The following NCOA7 variants were observed in gnomAD, a reference collection of about 807,000 sequenced individuals.
NCOA7 encodes the protein nuclear receptor coactivator 7, also known as 140 kDa estrogen receptor-associated protein.
A neutral mutation model predicts 104.3 loss-of-function variants in NCOA7; 45 were observed. The ratio of observed to expected loss-of-function variants is 0.43; its 90% CI spans 0.34 to 0.55. NCOA7 has a LOEUF of 0.55. NCOA7 is among the 20% of genes least tolerant of loss of function. The pLI, the probability that NCOA7 is intolerant of heterozygous loss-of-function variation, is 0.02. For synonymous variants in NCOA7, 398 were observed against 402.3 expected, an observed-to-expected ratio of 0.99 and a Z score of 0.13; for missense variants, 1,041 against 1,119.7, an observed-to-expected ratio of 0.93 and a Z score of 1.00.
chr6:125,922,444 A>T (rs144469928), intron 12 of NCOA7, among the ~76,000 whole-genome samples: 1 of 152,114 alleles, frequency 6.6e-6, no homozygotes. Flanking sequence ...CAGGATAGGG[A>T]CTCCATAGTC....
chr6:125,886,922 C>T (rs902005964), intron 8 of NCOA7, among the ~76,000 whole-genome samples: 2 of 152,212 alleles, frequency 1.3e-5, no homozygotes, highest in Non-Finnish European at 2.9e-5. Flanking sequence ...ACGTGCAGGA[C>T]GTTTTGTAGC....
upstream of NCOA7, among the ~76,000 whole-genome samples, chr6:125,788,888 TACTC>T (rs1331957076): frequency 6.6e-6 from 1 of 152,086 alleles, no homozygotes; most frequent in Non-Finnish European, 1.5e-5. Flanking sequence ...TAAAAATTCA[TACTC>T]AGTTATAGGT....
chr6:125,838,213 A>G (rs897152193), intron 2 of NCOA7, among the ~76,000 whole-genome samples: 5 of 152,178 alleles, frequency 3.3e-5, no homozygotes, highest in Admixed American at 1.3e-4. Context: ...AGAAGCTTCT[A>G]TACCATCTTG....
intron 1 of NCOA7, among the ~76,000 whole-genome samples, chr6:125,809,247 G>A (rs985354226): frequency 1.3e-5 from 2 of 151,928 alleles, no homozygotes; most frequent in African/African-American, 4.8e-5. Context: ...GGAGTGCAGT[G>A]GTGCAATCTA....
intron 8 of NCOA7, among the ~76,000 whole-genome samples, chr6:125,887,990 G>T (rs1371648041): frequency 6.6e-6 from 1 of 152,016 alleles, no homozygotes; most frequent in African/African-American, 2.4e-5. Context: ...TTACATAGGT[G>T]CATGCCATGG....
At chr6:125,925,727 T>A (rs1330587444) in intron 13 of NCOA7, among the ~76,000 whole-genome samples, 1 of 152,210 alleles carries the variant, frequency 6.6e-6, no homozygotes, top group Non-Finnish European at 1.5e-5. Flanking sequence ...CAAATGTACA[T>A]TTATATGTTT....
At chr6:125,784,086 T>C (rs1282833853) in intron 1 of NCOA7, among the ~76,000 whole-genome samples, 3 of 152,370 alleles carry the variant, frequency 2.0e-5, no homozygotes, top group African/African-American at 7.2e-5. Flanking sequence ...AGAGTGCCAA[T>C]TTCTGATTTG....
intron 2 of NCOA7, among the ~76,000 whole-genome samples, chr6:125,822,883 C>T (rs750948343): frequency 2.0e-5 from 3 of 149,466 alleles, no homozygotes; most frequent in Admixed American, 6.7e-5. Flanking sequence ...TGCAGTGACC[C>T]GAGATTGCTC....
chr6:125,922,325 T>C (rs1787657479), intron 12 of NCOA7, among the ~76,000 whole-genome samples: 1 of 152,032 alleles, frequency 6.6e-6, no homozygotes, highest in African/African-American at 2.4e-5. Flanking sequence ...GAAAGAAAAA[T>C]TGGGAAAATA....
chr6:125,804,547 A>G (rs192048744), intron 1 of NCOA7, among the ~76,000 whole-genome samples: 2 of 152,342 alleles, frequency 1.3e-5, no homozygotes, highest in East Asian at 3.9e-4. Context: ...CATTACCTCC[A>G]GTAACTTTCT....
At chr6:125,843,092 C>T (rs1198756177) in intron 2 of NCOA7, among the ~76,000 whole-genome samples, 3 of 152,172 alleles carry the variant, frequency 2.0e-5, no homozygotes, top group African/African-American at 7.2e-5. Context: ...GAGAATGTTA[C>T]CTTTTATGGC....
intron 10 of NCOA7, chr6:125,913,489 C>A: frequency 4.6e-6 from 1 of 216,648 alleles, no homozygotes; most frequent in Non-Finnish European, 7.9e-6. Context: ...CCAAAAGCTG[C>A]GTACCATGGA....
In NCOA7 at chr6:125,889,909, C is replaced by T; in HGVS notation, c.1855C>T (p.Gln619Ter). Reference sequence around the variant, plus strand: ...GGAATCTACTCTGGACAACAGCTGTCAAGGTGCACAAATGGATAATAAATC... The same window carrying T: ...GGAATCTACTCTGGACAACAGCTGTTAAGGTGCACAAATGGATAATAAATC... ...SLESTLDNSC[Q>*]GAQMDNKSEV... Residue 619 changes from glutamine (Q) to a stop codon, truncating the protein, a stop_gained, in exon 9 of 16, where the codon CAA becomes TAA. Coordinates refer to ENST00000392477, the MANE Select transcript of NCOA7 (RefSeq NM_181782.5). LOFTEE classifies it high-confidence loss of function. 6.3e-7 allele frequency: 1 copy of T among 1,598,644 alleles called. No individual in the cohort carries two copies. The highest frequency in any genetic ancestry group is 8.5e-7 in the Non-Finnish European group (1 of 1,175,180).
At chr6:125,869,850 A>C (rs147377868) in intron 3 of NCOA7, among the ~76,000 whole-genome samples, 2 of 152,350 alleles carry the variant, frequency 1.3e-5, no homozygotes, top group East Asian at 3.9e-4. Flanking sequence ...CTCCCTCCAG[A>C]AGGAAAGTAG....
In NCOA7 at chr6:125,930,656, T is replaced by A. The variant is rs1788412300; in HGVS notation, c.*1885T>A. 6.6e-6 allele frequency: 1 copy of A among 152,458 alleles called. No individual in the cohort carries two copies. Among genetic ancestry groups the A allele is most frequent in the Non-Finnish European group, 1.5e-5 (1 of 68,044 alleles). 9.4% of individuals were successfully genotyped at this position (152,458 alleles called of 1,614,324 possible). ...AATTGTCCAGTGGCCTCCTGTCAGA[T>A]CAACAATTATTATACTCCTTAATTC... On this transcript the variant is annotated 3_prime_UTR_variant, in exon 16 of 16. Coordinates refer to ENST00000392477, the MANE Select transcript of NCOA7 (RefSeq NM_181782.5).
intron 10 of NCOA7, among the ~76,000 whole-genome samples, chr6:125,891,242 G>T (rs13210477): frequency 3.8e-3 from 586 of 152,304 alleles, no homozygotes; most frequent in Non-Finnish European, 6.4e-3. Flanking sequence ...TATGGAGGGA[G>T]CATCTGTAGC....
intron 11 of NCOA7, chr6:125,919,522 GA>G: frequency 3.1e-6 from 4 of 1,283,850 alleles, no homozygotes; most frequent in Non-Finnish European, 4.5e-6. Context: ...GTTCTAATTA[GA>G]AAGGATTGTG....
At chr6:125,806,726 A>G (rs1482998206) in intron 1 of NCOA7, among the ~76,000 whole-genome samples, 1 of 152,162 alleles carries the variant, frequency 6.6e-6, no homozygotes, top group Non-Finnish European at 1.5e-5. Context: ...GGAATTTCGT[A>G]TCTTCTTCTG....
At chr6:125,926,744 G>C (rs1457925285) in intron 13 of NCOA7, among the ~76,000 whole-genome samples, 1 of 152,148 alleles carries the variant, frequency 6.6e-6, no homozygotes, top group Non-Finnish European at 1.5e-5. Flanking sequence ...TGATCTAATT[G>C]AAATAATTTT....
Sources: gnomAD v4.1 joint callset for allele counts (sites outside exome capture counted in the v4.1 genomes callset) on GRCh38, gnomAD v4.1.1 for gene constraint, MANE v1.5 for transcripts, NCBI Gene and HGNC (gene_info 2026-07-23, HGNC 2026-07-21) for gene names.